BCAT1: variants seen among roughly 807,000 people sequenced by gnomAD.
BCAT1 encodes branched chain amino acid transaminase 1.
In BCAT1, 48 loss-of-function variants were observed where a neutral mutation model predicts 52.4. The ratio of observed to expected loss-of-function variants is 0.92; its 90% confidence interval spans 0.73 to 1.16. The LOEUF is 1.16. BCAT1 is among the 50% of genes most tolerant of loss of function. BCAT1 has a pLI of 0.00. For synonymous variants in BCAT1, 167 were observed against 161.3 expected, an observed-to-expected ratio of 1.04 and a Z score of -0.27; for missense variants, 451 against 457.1, an observed-to-expected ratio of 0.99 and a Z score of 0.12.
chr12:24,866,625 G>A (rs138486339), intron 5 of BCAT1, among the ~76,000 whole-genome samples: 78 of 152,318 alleles, frequency 5.1e-4, no homozygotes, highest in African/African-American at 1.3e-3. Context: ...TACACCAATC[G>A]GCGCTCTGTA....
At chr12:24,930,383 T>C (rs560499975) in intron 1 of BCAT1, among the ~76,000 whole-genome samples, 1 of 152,338 alleles carries the variant, frequency 6.6e-6, no homozygotes, top group Admixed American at 6.5e-5. Context: ...AGAGTTCACA[T>C]AGTTCATGAC....
At chr12:24,868,439 C>A (rs1942088492) in intron 5 of BCAT1, among the ~76,000 whole-genome samples, 2 of 152,044 alleles carry the variant, frequency 1.3e-5, no homozygotes, top group African/African-American at 4.8e-5. Flanking sequence ...AGTATCACCA[C>A]TATTTATATT....
At chr12:24,890,030 T>G (rs969694962) in intron 3 of BCAT1, among the ~76,000 whole-genome samples, 17 of 152,086 alleles carry the variant, frequency 1.1e-4, no homozygotes, top group Admixed American at 9.2e-4. Flanking sequence ...TATCCCCCGA[T>G]ACCTCACCCT....
At chr12:24,902,382 A>G (rs1378584410) in intron 1 of BCAT1, 2 of 1,158,010 alleles carry the variant, frequency 1.7e-6, no homozygotes, top group African/African-American at 1.6e-5. Context: ...ATGCCGCAGC[A>G]TCCACCCCAC....
chr12:24,853,853 T>C (rs1666695924), intron 5 of BCAT1, among the ~76,000 whole-genome samples: 2 of 152,080 alleles, frequency 1.3e-5, no homozygotes, highest in Non-Finnish European at 1.5e-5. Context: ...TCCTGGAATA[T>C]TCAAATACAT....
chr12:24,853,588 AC>A (rs1466555736), intron 5 of BCAT1, among the ~76,000 whole-genome samples: 1 of 152,106 alleles, frequency 6.6e-6, no homozygotes, highest in Admixed American at 6.5e-5. Flanking sequence ...GTAACTCCTG[AC>A]TCTCACATAA....
chr12:24,897,979 C>G (rs888070064), intron 2 of BCAT1, among the ~76,000 whole-genome samples: 1 of 151,788 alleles, frequency 6.6e-6, no homozygotes, highest in African/African-American at 2.4e-5. Flanking sequence ...AACCTGAGCT[C>G]AAAGAGAAAT....
chr12:24,912,677 C>T (rs10771140), intron 1 of BCAT1, among the ~76,000 whole-genome samples: 23,167 of 139,256 alleles, frequency 0.17, 1,932 homozygotes, highest in East Asian at 0.29. Context: ...CTAGCCTGGA[C>T]AACACAGTGA....
chr12:24,937,247 G>A (rs116716182), intron 1 of BCAT1, among the ~76,000 whole-genome samples: 81 of 152,276 alleles, frequency 5.3e-4, no homozygotes, highest in African/African-American at 1.9e-3. Context: ...GGCAGGGCAG[G>A]GTGATAAGGC....
chr12:24,906,761 A>C (rs558546186), intron 1 of BCAT1, among the ~76,000 whole-genome samples: 3 of 152,308 alleles, frequency 2.0e-5, no homozygotes, highest in African/African-American at 7.2e-5. Context: ...GAAACATAGC[A>C]GTTGTCCCTC....
chr12:24,836,105 A>T (rs576345885), intron 8 of BCAT1, among the ~76,000 whole-genome samples: 4 of 152,354 alleles, frequency 2.6e-5, no homozygotes, highest in African/African-American at 9.6e-5. Context: ...TTTCTACGGC[A>T]AGCATGGTTA....
At chr12:24,886,147 G>A (rs902606885) in intron 3 of BCAT1, among the ~76,000 whole-genome samples, 9 of 152,224 alleles carry the variant, frequency 5.9e-5, no homozygotes, top group South Asian at 2.1e-4. Context: ...GCTGGGAACC[G>A]TGGCTCACGC....
intron 2 of BCAT1, 25 bp from the exon 3 acceptor site, chr12:24,894,500 T>C: frequency 6.4e-7 from 1 of 1,552,596 alleles, no homozygotes; most frequent in Non-Finnish European, 8.7e-7. Context: ...TCATCACTAT[T>C]TACAGAAAAG....
At chr12:24,819,285 A>G (rs1413610984) in intron 10 of BCAT1, among the ~76,000 whole-genome samples, 11 of 152,106 alleles carry the variant, frequency 7.2e-5, no homozygotes, top group Non-Finnish European at 1.3e-4. Flanking sequence ...AATCACTCAG[A>G]CTATGTCTAT....
At chr12:24,883,734 G>A (rs1942572777) in intron 3 of BCAT1, among the ~76,000 whole-genome samples, 1 of 152,178 alleles carries the variant, frequency 6.6e-6, no homozygotes, top group African/African-American at 2.4e-5. Context: ...TTTTTCCACA[G>A]GGATGAGCGT....
intron 1 of BCAT1, among the ~76,000 whole-genome samples, chr12:24,936,730 C>A: frequency 6.6e-6 from 1 of 151,022 alleles, no homozygotes; most frequent in Admixed American, 6.6e-5. Context: ...CTCTCACACA[C>A]ACACACACAC....
chr12:24,889,927 A>G (rs1942788414), intron 3 of BCAT1, among the ~76,000 whole-genome samples: 1 of 152,184 alleles, frequency 6.6e-6, no homozygotes. Context: ...ATAAAAACCC[A>G]AAAGAATGAG....
intron 5 of BCAT1, among the ~76,000 whole-genome samples, chr12:24,854,667 T>C (rs538120015): frequency 6.6e-6 from 1 of 152,318 alleles, no homozygotes; most frequent in African/African-American, 2.4e-5. Flanking sequence ...TATGCATTGC[T>C]TTTTGGCTCC....
chr12:24,919,723 G>A (rs1436422886), intron 1 of BCAT1, among the ~76,000 whole-genome samples: 1 of 152,174 alleles, frequency 6.6e-6, no homozygotes, highest in Non-Finnish European at 1.5e-5. Context: ...TTACTGATAT[G>A]GGTTAGCTAT....
Sources: gnomAD v4.1 joint callset for allele counts (sites outside exome capture counted in the v4.1 genomes callset) on GRCh38, gnomAD v4.1.1 for gene constraint, MANE v1.5 for transcripts, NCBI Gene and HGNC (gene_info 2026-07-23, HGNC 2026-07-21) for gene names.